Variants in GABRA3 observed in about 807,000 individuals in gnomAD.
GABRA3 encodes gamma-aminobutyric acid receptor subunit alpha-3.
GABRA3 carries 10 observed loss-of-function variants against 30.1 expected under a neutral mutation model. The ratio of observed to expected loss-of-function variants is 0.33; its 90% confidence interval spans 0.20 to 0.56. The LOEUF (loss-of-function observed/expected upper bound fraction) is 0.56. GABRA3 is among the 20% of genes least tolerant of loss of function. The pLI, the probability that GABRA3 is intolerant of heterozygous loss-of-function variation, is 0.89. For synonymous variants in GABRA3, 151 were observed against 146.8 expected, an observed-to-expected ratio of 1.03 and a Z score of -0.21; for missense variants, 233 against 392.0, an observed-to-expected ratio of 0.59 and a Z score of 3.42.
intron 5 of GABRA3, among the ~76,000 whole-genome samples, chrX:152,225,431 C>T (rs1392941252): frequency 1.7e-4 from 3 of 17,780 alleles, no homozygotes; most frequent in African/African-American, 3.0e-4. Context: ...CACACACACA[C>T]GCACACACAC....
In GABRA3 at chrX:152,309,872, C is replaced by G. The variant is rs755964011; in HGVS notation, c.263-25137G>C. 1.6e-3 allele frequency among the ~76,000 whole-genome samples: 177 copies of G among 112,123 alleles called. 1 individual carries two copies. The highest frequency in any genetic ancestry group is 5.3e-3 in the African/African-American group (164 of 30,916). On this transcript the variant is annotated intron_variant, in intron 3 of 9. Coordinates refer to ENST00000370314, the MANE Select transcript of GABRA3 (RefSeq NM_000808.4). ...AAAGAAGCAAGACTCAACTGTAATG[C>G]TGTCTTCAAGAGACCCATTTCACAT...
At chrX:152,291,581 T>A (rs1939418529) in intron 3 of GABRA3, among the ~76,000 whole-genome samples, 1 of 111,809 alleles carries the variant, frequency 8.9e-6, no homozygotes, top group Non-Finnish European at 1.9e-5. Flanking sequence ...GGCATCACTG[T>A]CTTGTGCCAG....
chrX:152,231,204 T>C (rs1043297421), intron 5 of GABRA3, among the ~76,000 whole-genome samples: 1 of 107,778 alleles, frequency 9.3e-6, no homozygotes, highest in Non-Finnish European at 1.9e-5. Flanking sequence ...CACATATATA[T>C]GTATATATAT....
chrX:152,240,564 C>G (rs200053515), intron 5 of GABRA3, among the ~76,000 whole-genome samples: 55 of 89,383 alleles, frequency 6.2e-4, no homozygotes, highest in East Asian at 2.4e-3. Context: ...TGGGGAAGTT[C>G]TCCTGGATAA....
intron 8 of GABRA3, among the ~76,000 whole-genome samples, chrX:152,191,342 C>G (rs898162768): frequency 1.8e-5 from 2 of 110,498 alleles, no homozygotes; most frequent in African/African-American, 3.3e-5. Context: ...AGTGCTCCCA[C>G]TTACTTGATT....
At chrX:152,220,762 C>T (rs1015964335) in intron 6 of GABRA3, among the ~76,000 whole-genome samples, 2 of 110,719 alleles carry the variant, frequency 1.8e-5, no homozygotes, top group Non-Finnish European at 3.8e-5. Flanking sequence ...TGGGTGTGTA[C>T]TGGTAGCCTT....
At chrX:152,364,618 T>G in intron 1 of GABRA3, 22 bp from the exon 2 acceptor site, 5 of 1,109,235 alleles carry the variant, frequency 4.5e-6, no homozygotes, top group Non-Finnish European at 6.1e-6. Flanking sequence ...ACAGTTTAGA[T>G]AAGGGATAAG....
At chrX:152,378,983 A>G (rs974832540) in intron 1 of GABRA3, among the ~76,000 whole-genome samples, 5 of 111,825 alleles carry the variant, frequency 4.5e-5, no homozygotes, top group Non-Finnish European at 9.4e-5. Flanking sequence ...ATATAAATCA[A>G]AATTAACAAA....
chrX:152,336,047 CTTAA>C (rs766636711), intron 3 of GABRA3, among the ~76,000 whole-genome samples: 1 of 111,262 alleles, frequency 9.0e-6, no homozygotes, highest in Non-Finnish European at 1.9e-5. Flanking sequence ...AGTATATTTT[CTTAA>C]TTTATTTAGC....
intron 5 of GABRA3, among the ~76,000 whole-genome samples, chrX:152,234,786 T>A (rs1003346473): frequency 7.2e-5 from 8 of 111,880 alleles, no homozygotes; most frequent in African/African-American, 2.6e-4. Flanking sequence ...GCTGTAGGTA[T>A]GAAGCTTTAT....
chrX:152,422,474 G>C (rs1208392689), intron 1 of GABRA3, among the ~76,000 whole-genome samples: 1 of 110,410 alleles, frequency 9.1e-6, no homozygotes, highest in Admixed American at 9.7e-5. Flanking sequence ...TTCTGACCCT[G>C]ATAGTGGTTA....
Position 152,443,958 on chromosome X carries a change from T to C in GABRA3, c.-27+7188A>G, listed in dbSNP as rs1421119981. On this transcript the variant is annotated intron_variant, in intron 1 of 9. Coordinates refer to ENST00000370314, the MANE Select transcript of GABRA3 (RefSeq NM_000808.4). The stretch of plus-strand genomic sequence containing the variant: ...ACCAATGAAAAAGCCAGATCAAAAA[T>C]AGTACATATAAGATGTGATCCCGAT... Among the ~76,000 whole-genome samples, 5 of 111,239 alleles carry C rather than the reference T, an allele frequency of 4.5e-5. No individual in the cohort carries two copies. In the East Asian group the frequency reaches 1.4e-3, roughly 31 times the overall value.
intron 7 of GABRA3, among the ~76,000 whole-genome samples, chrX:152,199,812 C>T (rs1000228698): frequency 1.8e-5 from 2 of 108,839 alleles, no homozygotes; most frequent in African/African-American, 6.7e-5. Context: ...CACTTGCTCT[C>T]CTTCCCTCCC....
chrX:152,370,092 G>A (rs758091836), intron 1 of GABRA3, among the ~76,000 whole-genome samples: 99 of 111,797 alleles, frequency 8.9e-4, no homozygotes, highest in African/African-American at 3.1e-3. Flanking sequence ...GATAACAAAC[G>A]TAAAATGCCT....
chrX:152,322,781 A>C (rs1603241254), intron 3 of GABRA3, among the ~76,000 whole-genome samples: 1 of 97,808 alleles, frequency 1.0e-5, no homozygotes, highest in African/African-American at 3.9e-5. Context: ...TGATCCACCC[A>C]CTCTGGCCAC....
intron 3 of GABRA3, among the ~76,000 whole-genome samples, chrX:152,339,859 A>G (rs1388809585): frequency 9.0e-6 from 1 of 111,279 alleles, no homozygotes; most frequent in Non-Finnish European, 1.9e-5. Flanking sequence ...CCTTCTTTTA[A>G]TTTGTGTTAG....
chrX:152,373,215 C>A (rs866334316), intron 1 of GABRA3, among the ~76,000 whole-genome samples: 18 of 111,644 alleles, frequency 1.6e-4, no homozygotes, highest in Non-Finnish European at 2.6e-4. Context: ...TGATAGTTTG[C>A]TGCACAGATC....
intron 3 of GABRA3, among the ~76,000 whole-genome samples, chrX:152,306,549 A>G (rs1939723731): frequency 9.0e-6 from 1 of 111,567 alleles, no homozygotes; most frequent in Non-Finnish European, 1.9e-5. Flanking sequence ...CCCCATTGTA[A>G]TGGAGTAAGT....
intron 5 of GABRA3, among the ~76,000 whole-genome samples, chrX:152,249,158 A>G (rs773531068): frequency 3.6e-5 from 4 of 110,807 alleles, no homozygotes; most frequent in African/African-American, 1.3e-4. Context: ...CGGAAATGTT[A>G]ACAATTGGGT....
Sources: gnomAD v4.1 joint callset for allele counts (sites outside exome capture counted in the v4.1 genomes callset) on GRCh38, gnomAD v4.1.1 for gene constraint, MANE v1.5 for transcripts, NCBI Gene and HGNC (gene_info 2026-07-23, HGNC 2026-07-21) for gene names.